Variants in LRRC7 observed in about 807,000 individuals in gnomAD.
The protein encoded by LRRC7 is leucine rich repeat containing 7.
A neutral mutation model predicts 175.7 loss-of-function variants in LRRC7; 23 were observed. The ratio of observed to expected loss-of-function variants is 0.13; its 90% CI spans 0.09 to 0.19. LRRC7 has a LOEUF of 0.19. Among genes scored for constraint, LRRC7 ranks in the 10% least tolerant of loss-of-function variants. LRRC7 has a pLI of 1.00. For synonymous variants in LRRC7, 685 were observed against 680.9 expected, an observed-to-expected ratio of 1.01 and a Z score of -0.09; for missense variants, 1,354 against 1,904.7, an observed-to-expected ratio of 0.71 and a Z score of 5.38.
At chr1:70,097,465 CA>C (rs1222171883) in intron 25 of LRRC7, among the ~76,000 whole-genome samples, 3 of 151,906 alleles carry the variant, frequency 2.0e-5, no homozygotes, top group Non-Finnish European at 2.9e-5. Context: ...TTTTTTTTAC[CA>C]TTTTTTTATT....
chr1:70,055,253 G>C (rs1356694228), intron 23 of LRRC7, among the ~76,000 whole-genome samples: 1 of 152,076 alleles, frequency 6.6e-6, no homozygotes, highest in East Asian at 1.9e-4. Context: ...AAGACTAGAG[G>C]GATAAGCAGA....
At chr1:70,024,675 A>C (rs1657893066) in intron 17 of LRRC7, among the ~76,000 whole-genome samples, 1 of 152,050 alleles carries the variant, frequency 6.6e-6, no homozygotes, top group South Asian at 2.1e-4. Context: ...GGAATAAGAG[A>C]ACATTTATAG....
intron 25 of LRRC7, among the ~76,000 whole-genome samples, chr1:70,097,735 T>C (rs528307061): frequency 6.6e-6 from 1 of 151,892 alleles, no homozygotes; most frequent in East Asian, 1.9e-4. Flanking sequence ...TCTTGTGCTA[T>C]TTTACTAAGA....
At chr1:69,595,923 A>G (rs75466326) in intron 1 of LRRC7, among the ~76,000 whole-genome samples, 1,666 of 135,488 alleles carry the variant, frequency 0.012, 35 homozygotes, top group African/African-American at 0.041. Context: ...AACATTTAAT[A>G]ACATACCCAG....
intron 1 of LRRC7, among the ~76,000 whole-genome samples, chr1:69,644,240 CAA>C (rs58191344): frequency 0.33 from 49,088 of 150,016 alleles, 8,413 homozygotes; most frequent in East Asian, 0.59. Flanking sequence ...TTTCAATTTC[CAA>C]GAGAGAGATA....
chr1:70,066,991 A>G (rs1662026949), intron 23 of LRRC7, among the ~76,000 whole-genome samples: 1 of 152,014 alleles, frequency 6.6e-6, no homozygotes. Context: ...GAATTATGCA[A>G]ACATTGTGGT....
At chr1:70,020,510 G>A (rs67032718) in intron 15 of LRRC7, among the ~76,000 whole-genome samples, 12,584 of 151,922 alleles carry the variant, frequency 0.083, 1,190 homozygotes, top group African/African-American at 0.23. Context: ...TTTTATAAAA[G>A]AAATTTGTAT....
At chr1:69,667,627 C>T (rs1658456339) in intron 1 of LRRC7, among the ~76,000 whole-genome samples, 1 of 152,158 alleles carries the variant, frequency 6.6e-6, no homozygotes. Flanking sequence ...GGTACTCCTG[C>T]TCCGTTTTGG....
At chr1:69,870,785 C>T (rs958748170) in intron 7 of LRRC7, among the ~76,000 whole-genome samples, 1 of 152,060 alleles carries the variant, frequency 6.6e-6, no homozygotes, top group Non-Finnish European at 1.5e-5. Context: ...GCACTCACTC[C>T]CTCTTCTGTA....
At chr1:69,984,727 C>T (rs962685920) in intron 9 of LRRC7, among the ~76,000 whole-genome samples, 28 of 152,198 alleles carry the variant, frequency 1.8e-4, no homozygotes, top group Non-Finnish European at 3.5e-4. Flanking sequence ...AGCTAAAATA[C>T]TTCTATATCC....
chr1:69,860,927 T>G (rs1274912814), intron 7 of LRRC7, among the ~76,000 whole-genome samples: 1 of 152,040 alleles, frequency 6.6e-6, no homozygotes, highest in East Asian at 1.9e-4. Flanking sequence ...TTCCAAAGGC[T>G]TTTAATTAAC....
At chr1:69,730,943 A>T (rs1323993993) in intron 2 of LRRC7, among the ~76,000 whole-genome samples, 4 of 152,110 alleles carry the variant, frequency 2.6e-5, no homozygotes, top group Non-Finnish European at 5.9e-5. Context: ...GGAATCAAGA[A>T]TATCTATCTT....
chr1:69,738,111 A>G (rs902008691), intron 2 of LRRC7, among the ~76,000 whole-genome samples: 2 of 152,050 alleles, frequency 1.3e-5, no homozygotes, highest in Non-Finnish European at 2.9e-5. Flanking sequence ...GTGTCAAATG[A>G]AGGCTGAATT....
rs963551497 is a variant in LRRC7, at chr1:70,142,363, A to T, written c.*20476A>T. The T allele has an allele frequency of 6.6e-6, 1 of 152,122 alleles. No individual in the cohort carries two copies. Among genetic ancestry groups the T allele is most frequent in the African/African-American group, 2.4e-5 (1 of 41,446 alleles). The allele number at this position is 152,122 out of a possible 1,614,324, so 9.4% of individuals were successfully genotyped here. A position where few individuals can be genotyped will look rare whatever the true frequency, so the allele number is the denominator to read the frequency against. On this transcript the variant is annotated 3_prime_UTR_variant, in exon 27 of 27. Transcript: ENST00000651989. Reference sequence around the variant, plus strand: ...GAATGCTTAATACTTCGGCTTTATAATGTTTGGGCATTTCTCTTTAACATC... The same window carrying T: ...GAATGCTTAATACTTCGGCTTTATATTGTTTGGGCATTTCTCTTTAACATC...
intron 2 of LRRC7, among the ~76,000 whole-genome samples, chr1:69,696,233 G>A (rs1662566273): frequency 6.6e-6 from 1 of 152,208 alleles, no homozygotes; most frequent in Admixed American, 6.5e-5. Flanking sequence ...CAGGTTGTGG[G>A]ACATGGAGTC....
intron 3 of LRRC7, among the ~76,000 whole-genome samples, chr1:69,763,443 A>G (rs1671259371): frequency 6.6e-6 from 1 of 152,034 alleles, no homozygotes; most frequent in Non-Finnish European, 1.5e-5. Flanking sequence ...ATTGGCGTTA[A>G]TTGTGTCACA....
chr1:69,601,706 A>G (rs1380326942), intron 1 of LRRC7, among the ~76,000 whole-genome samples: 4 of 152,216 alleles, frequency 2.6e-5, no homozygotes, highest in Non-Finnish European at 4.4e-5. Context: ...AACTTTTTCC[A>G]GGTCAACATG....
chr1:69,700,921 G>A (rs933799645), intron 2 of LRRC7, among the ~76,000 whole-genome samples: 5 of 152,146 alleles, frequency 3.3e-5, no homozygotes, highest in Admixed American at 2.6e-4. Flanking sequence ...TTGCATGTCA[G>A]ACAACCCGTC....
Position 70,063,938 on chromosome 1 carries a change from A to G in LRRC7, c.4230+10793A>G, listed in dbSNP as rs566730793. On this transcript the variant is annotated intron_variant, in intron 23 of 26. Transcript: ENST00000651989. ...ATATGCCAGAGATGACTGCCTTTGT[A>G]TATCAGCCAGCTGCTATGCTAAGAC... 5.3e-5 allele frequency among the ~76,000 whole-genome samples: 8 copies of G among 152,156 alleles called. No homozygotes were observed. The East Asian group carries it at 1.5e-3, about 29-fold the overall frequency.
Sources: allele counts gnomAD v4.1 joint callset (sites outside exome capture counted in the v4.1 genomes callset), GRCh38; gene constraint gnomAD v4.1.1; transcripts MANE v1.5; gene names NCBI Gene and HGNC (gene_info 2026-07-23, HGNC 2026-07-21).